DLG2: variants seen among roughly 807,000 people sequenced by gnomAD.
DLG2 encodes the protein discs large MAGUK scaffold protein 2, also known as disks large homolog 2.
Under a neutral mutation model 132.5 loss-of-function variants are expected in DLG2, and 45 were observed. The observed-to-expected ratio is 0.34, with a 90% confidence interval of 0.27 to 0.44. The LOEUF is 0.44. Ranked by LOEUF, DLG2 falls within the 20% of genes least tolerant of loss-of-function variation. DLG2 has a pLI of 1.00. For missense variants in DLG2, 1,045 were observed against 1,196.9 expected, an observed-to-expected ratio of 0.87 and a Z score of 1.87; for synonymous variants, 424 against 419.6, an observed-to-expected ratio of 1.01 and a Z score of -0.13.
chr11:83,483,680 T>G (rs1206632269), intron 22 of DLG2, among the ~76,000 whole-genome samples: 1 of 152,146 alleles, frequency 6.6e-6, no homozygotes, highest in Non-Finnish European at 1.5e-5. Context: ...TCAGAAAGTG[T>G]TTAGTGTTTT....
chr11:84,404,187 C>T (rs928091397), intron 7 of DLG2, among the ~76,000 whole-genome samples: 6 of 151,852 alleles, frequency 4.0e-5, no homozygotes, highest in Admixed American at 6.6e-5. Flanking sequence ...CTTGGTATGC[C>T]GCTCTCATCT....
At chr11:84,895,657 T>C (rs1294050793) in intron 6 of DLG2, among the ~76,000 whole-genome samples, 3 of 152,166 alleles carry the variant, frequency 2.0e-5, no homozygotes, top group African/African-American at 7.2e-5. Context: ...TTAGTTTTAT[T>C]GTAAGGGGAG....
intron 19 of DLG2, among the ~76,000 whole-genome samples, chr11:83,551,972 A>G (rs1023130795): frequency 6.6e-6 from 1 of 152,146 alleles, no homozygotes; most frequent in African/African-American, 2.4e-5. Flanking sequence ...TCATTTGGCC[A>G]CTTACTCATT....
intron 10 of DLG2, among the ~76,000 whole-genome samples, chr11:84,063,418 GT>G (rs2096622076): frequency 6.6e-6 from 1 of 152,146 alleles, no homozygotes. Context: ...ACTAAATCAA[GT>G]ATTTTCTAAA....
intron 4 of DLG2, among the ~76,000 whole-genome samples, chr11:85,265,560 T>G (rs2077165464): frequency 6.6e-6 from 1 of 152,224 alleles, no homozygotes; most frequent in Admixed American, 6.5e-5. Context: ...GGTGGGTCCC[T>G]GGTGGAAACC....
At chr11:84,458,594 G>C (rs1450672854) in intron 7 of DLG2, among the ~76,000 whole-genome samples, 1 of 150,738 alleles carries the variant, frequency 6.6e-6, no homozygotes, top group Non-Finnish European at 1.5e-5. Context: ...GAATTGATCT[G>C]TTAAGAGCTC....
chr11:83,848,821 T>G (rs568850067), intron 16 of DLG2, among the ~76,000 whole-genome samples: 32 of 152,232 alleles, frequency 2.1e-4, no homozygotes, highest in Non-Finnish European at 4.7e-4. Flanking sequence ...GACTCTCCTG[T>G]GCCATTTGTG....
In DLG2 at chr11:83,551,147, A is replaced by G. The variant is rs113653899; in HGVS notation, c.1941-9289T>C. Among the ~76,000 whole-genome samples, 951 of 152,260 alleles carry G rather than the reference A, an allele frequency of 6.2e-3. 11 individuals are homozygous for G. Among genetic ancestry groups the G allele is most frequent in the African/African-American group, 0.021 (879 of 41,550 alleles). On this transcript the variant is annotated intron_variant, in intron 19 of 27. Coordinates refer to ENST00000376104, the MANE Select transcript of DLG2 (RefSeq NM_001142699.3). Reference sequence around the variant, plus strand: ...CTTCTGTATATGAAAAATGAGGGGCAAGAATCCCTGTCCGACAGGGTCCTT... The same window carrying G: ...CTTCTGTATATGAAAAATGAGGGGCGAGAATCCCTGTCCGACAGGGTCCTT...
At chr11:85,182,661 T>C (rs2079798675) in intron 4 of DLG2, among the ~76,000 whole-genome samples, 1 of 151,568 alleles carries the variant, frequency 6.6e-6, no homozygotes, top group Non-Finnish European at 1.5e-5. Flanking sequence ...CACATTCAGC[T>C]ATTATTCTAA....
chr11:84,420,650 C>CTTTTTTTTTTTTTTT lies in DLG2; in HGVS notation c.519+113905_519+113919dup, dbSNP rs768420271. On this transcript the variant is annotated intron_variant, in intron 7 of 27. Transcript: ENST00000376104. ...CAGCACAGTGACCAATGCTTGTTTTCTTTTTTTTTTTTTTTTTTTTTTTTT... is the reference window on the plus strand; with the variant it reads ...CAGCACAGTGACCAATGCTTGTTTTCTTTTTTTTTTTTTTTTTTTTTTTTTTTTTTTTTTTTTTTT... Among the ~76,000 whole-genome samples, 100 of 42,236 alleles carry CTTTTTTTTTTTTTTT rather than the reference C, an allele frequency of 2.4e-3. 42 individuals carry two copies. Among genetic ancestry groups the CTTTTTTTTTTTTTTT allele is most frequent in the East Asian group, 6.5e-3 (6 of 918 alleles). The allele number at this position is 42,236 out of a possible 152,430, so 27.7% of individuals were successfully genotyped here. A position where few individuals can be genotyped will look rare whatever the true frequency, so the allele number is the denominator to read the frequency against.
At chr11:84,504,633 A>AT (rs35593289) in intron 7 of DLG2, among the ~76,000 whole-genome samples, 126,529 of 151,572 alleles carry the variant, frequency 0.83, 52,828 homozygotes, top group Admixed American at 0.87. Flanking sequence ...AAATTGTGTA[A>AT]TTTTTTTTTC....
At chr11:85,351,809 G>A (rs1158908993) in intron 3 of DLG2, among the ~76,000 whole-genome samples, 1 of 152,176 alleles carries the variant, frequency 6.6e-6, no homozygotes, top group East Asian at 1.9e-4. Flanking sequence ...GATTCAGTTT[G>A]CCAGTATTTT....
intron 5 of DLG2, among the ~76,000 whole-genome samples, chr11:85,149,119 G>C (rs1667059704): frequency 6.6e-6 from 1 of 152,062 alleles, no homozygotes; most frequent in Admixed American, 6.6e-5. Flanking sequence ...TGTCTGTTTT[G>C]GTACCAGTAC....
chr11:85,259,755 A>T (rs1220232408), intron 4 of DLG2, among the ~76,000 whole-genome samples: 1 of 151,888 alleles, frequency 6.6e-6, no homozygotes, highest in Non-Finnish European at 1.5e-5. Context: ...CTGGCCAGAA[A>T]TTGCAAATTA....
intron 6 of DLG2, among the ~76,000 whole-genome samples, chr11:84,912,797 T>C (rs1201831936): frequency 6.6e-6 from 1 of 152,208 alleles, no homozygotes; most frequent in Non-Finnish European, 1.5e-5. Flanking sequence ...CAGAAGGTAA[T>C]GATGGAAAGT....
At chr11:84,943,154 G>A (rs946809045) in intron 6 of DLG2, among the ~76,000 whole-genome samples, 6 of 136,832 alleles carry the variant, frequency 4.4e-5, no homozygotes, top group Admixed American at 7.7e-5. Context: ...TTTTTGGGTC[G>A]TGTGTGTGTG....
chr11:85,521,617 T>G (rs1184497483), intron 3 of DLG2, among the ~76,000 whole-genome samples: 2 of 151,806 alleles, frequency 1.3e-5, no homozygotes, highest in African/African-American at 4.8e-5. Flanking sequence ...CAAAAAAAAA[T>G]GTGGGAAAGT....
intron 10 of DLG2, among the ~76,000 whole-genome samples, chr11:84,079,645 T>A (rs1053879509): frequency 6.6e-6 from 1 of 152,228 alleles, no homozygotes; most frequent in African/African-American, 2.4e-5. Context: ...CAGACTTCCA[T>A]GGCAGAGTGA....
At chr11:84,864,196 C>A (rs906184213) in intron 6 of DLG2, among the ~76,000 whole-genome samples, 1 of 152,164 alleles carries the variant, frequency 6.6e-6, no homozygotes, top group Non-Finnish European at 1.5e-5. Context: ...AATTTGGAAA[C>A]CTTTAGAAGG....
Sources: gnomAD v4.1 joint callset for allele counts (sites outside exome capture counted in the v4.1 genomes callset) on GRCh38, gnomAD v4.1.1 for gene constraint, MANE v1.5 for transcripts, NCBI Gene and HGNC (gene_info 2026-07-23, HGNC 2026-07-21) for gene names.